PLA2R1: variants seen among roughly 807,000 people sequenced by gnomAD.
The protein encoded by PLA2R1 is phospholipase A2 receptor 1.
In PLA2R1, 158 loss-of-function variants were observed where a neutral mutation model predicts 195.9. The ratio of observed to expected loss-of-function variants is 0.81; its 90% CI spans 0.71 to 0.92. The LOEUF (loss-of-function observed/expected upper bound fraction) is 0.92, where lower values mean the gene tolerates loss of function less well. PLA2R1 is among the 40% of genes least tolerant of loss of function. The pLI is 0.00. For synonymous variants in PLA2R1, 586 were observed against 598.2 expected (o/e 0.98, Z 0.30); for missense variants, 1,626 against 1,764.6 (o/e 0.92, Z 1.41).
chr2:159,961,016 G>T (rs113670300), intron 20 of PLA2R1, among the ~76,000 whole-genome samples: 1 of 152,088 alleles, frequency 6.6e-6, no homozygotes, highest in Non-Finnish European at 1.5e-5. Flanking sequence ...CCATCCCACC[G>T]CTCTCAGCTA....
At chr2:160,052,177 T>TCATGAGGCACACAATAGTCTTTCTCA (rs1559019308) in intron 1 of PLA2R1, among the ~76,000 whole-genome samples, 1 of 152,208 alleles carries the variant, frequency 6.6e-6, no homozygotes, top group Non-Finnish European at 1.5e-5. Flanking sequence ...TCTCCAAGTT[T>TCATGAGGCACACAATAGTCTTTCTCA]CATGAGGCAC....
intron 3 of PLA2R1, among the ~76,000 whole-genome samples, chr2:160,040,781 C>A (rs1694475056): frequency 2.0e-5 from 3 of 152,214 alleles, no homozygotes; most frequent in Admixed American, 1.3e-4. Flanking sequence ...GAGGAGAAAT[C>A]ATGGATTCAG....
At position 159,972,318 on chromosome 2, in the gene PLA2R1, A is replaced by G. The variant is rs117558349; in HGVS notation, c.2596-2106T>C. ...GAAATTTTAGCTTAAGAAGGCCACA[A>G]CAATAGAAGACTTATTAACATGTGT... On this transcript the variant is annotated intron_variant, in intron 17 of 29. Transcript: ENST00000283243. Among the ~76,000 whole-genome samples, 6 of 152,346 alleles carry G rather than the reference A, an allele frequency of 3.9e-5. No individual in the cohort carries two copies. The East Asian group carries it at 9.6e-4, about 24-fold the overall frequency.
At position 159,945,067 on chromosome 2, in the gene PLA2R1, C is replaced by A. The variant is rs1247663309; in HGVS notation, c.3983G>T (p.Trp1328Leu). Residue 1328 changes from tryptophan (W) to leucine (L), a missense_variant, in exon 28 of 30, where the codon TGG becomes TTG. By Grantham distance (61) the Trp-to-Leu change is moderately conservative. Transcript: ENST00000283243. ...QFDGNNETIK[W>L]FDGTPTDQSN... ...CTGGTCTGTGGGAGTTCCATCAAAC[C>A]ACTTTATGGTTTCATCTGTGAGAAA... 1.9e-6 allele frequency: 3 copies of A among 1,610,554 alleles called. No individual in the cohort carries two copies. Among genetic ancestry groups the A allele is most frequent in the South Asian group, 2.2e-5 (2 of 90,532 alleles).
Position 159,941,173 on chromosome 2 carries a change from T to C in PLA2R1, c.*605A>G, listed in dbSNP as rs1687068158. The C allele has an allele frequency of 6.6e-6, 1 of 152,246 alleles. No individual in the cohort carries two copies. The highest frequency in any genetic ancestry group is 2.1e-4 in the South Asian group (1 of 4,834). 9.4% of individuals were successfully genotyped at this position (152,246 alleles called of 1,614,324 possible). On this transcript the variant is annotated 3_prime_UTR_variant, in exon 30 of 30. Coordinates refer to ENST00000283243, the MANE Select transcript of PLA2R1 (RefSeq NM_007366.5). Reference sequence around the variant, plus strand: ...AAGGTATTTTTCTTTCTCCTTTAGCTTGAGATGTTAGACCTAATAAAAATG... The same window carrying C: ...AAGGTATTTTTCTTTCTCCTTTAGCCTGAGATGTTAGACCTAATAAAAATG...
chr2:160,022,883 T>C (rs1693236601), intron 6 of PLA2R1, 24 bp from the exon 7 acceptor site: 1 of 1,491,784 alleles, frequency 6.7e-7, no homozygotes, highest in Non-Finnish European at 9.2e-7. Flanking sequence ...CAAAAAACAA[T>C]GTCATTTTCC....
At chr2:160,023,431 C>T (rs1693276845) in intron 6 of PLA2R1, among the ~76,000 whole-genome samples, 1 of 152,198 alleles carries the variant, frequency 6.6e-6, no homozygotes, top group Non-Finnish European at 1.5e-5. Context: ...AAAAGACACT[C>T]CCACCAGTGC....
In PLA2R1 at chr2:160,044,758, TTTAAA is replaced by T; in HGVS notation, c.493+11_493+15del. 6.3e-7 allele frequency: 1 copy of T among 1,596,502 alleles called. No individual in the cohort carries two copies. The highest frequency in any genetic ancestry group is 8.6e-7 in the Non-Finnish European group (1 of 1,166,870). ...AAAAACACCATTCCCTGAGTGCTTC[TTTAAA>T]TTATTTTTACCTTTGTGTAGATATT... On this transcript the variant is annotated intron_variant, in intron 2 of 29. Coordinates refer to ENST00000283243, the MANE Select transcript of PLA2R1 (RefSeq NM_007366.5).
chr2:159,924,231 T>C, the PLA2R1 span, among the ~76,000 whole-genome samples: 2 of 152,196 alleles, frequency 1.3e-5, no homozygotes, highest in African/African-American at 4.8e-5. Flanking sequence ...TAAGGATACA[T>C]GTGATTGCAT....
At chr2:160,054,166 T>C (rs1356182415) in intron 1 of PLA2R1, among the ~76,000 whole-genome samples, 25 of 152,178 alleles carry the variant, frequency 1.6e-4, no homozygotes. Context: ...GCTGGGTGTG[T>C]AGTTCACACC....
In PLA2R1 at chr2:160,062,444, G is replaced by A; in HGVS notation, c.-41C>T. 1 of 1,512,024 alleles carries A rather than the reference G, an allele frequency of 6.6e-7. No homozygotes were observed. Among genetic ancestry groups the A allele is most frequent in the South Asian group, 1.2e-5 (1 of 81,052 alleles). The allele number at this position is 1,512,024 out of a possible 1,614,324, so 93.7% of individuals were successfully genotyped here. ...TCTCCGGGAGCCCCTTGTCCCGGGA[G>A]CCCCTTATCCCGGGAGCCCAGAGCC... On this transcript the variant is annotated 5_prime_UTR_variant, in exon 1 of 30. Transcript: ENST00000283243.
chr2:160,006,485 GAATGAATTACTGTTC>G (rs1302825026), intron 10 of PLA2R1, among the ~76,000 whole-genome samples: 1 of 152,190 alleles, frequency 6.6e-6, no homozygotes, highest in Non-Finnish European at 1.5e-5. Flanking sequence ...CCAAACAGCT[GAATGAATTACTGTTC>G]AATGATTGGT....
intron 9 of PLA2R1, 86 bp from the exon 10 acceptor site, chr2:160,013,461 A>G: frequency 1.5e-6 from 1 of 687,392 alleles, no homozygotes; most frequent in Non-Finnish European, 2.5e-6. Context: ...TTTACCACCT[A>G]CATAACTTTC....
At position 159,987,403 on chromosome 2, in the gene PLA2R1, G is replaced by A. The variant is rs754874098; in HGVS notation, c.1835-45C>T. 2.0e-5 allele frequency: 28 copies of A among 1,396,736 alleles called. No homozygotes were observed. In the African/African-American group the frequency reaches 2.3e-4, roughly 11 times the overall value. 86.5% of individuals were successfully genotyped at this position (1,396,736 alleles called of 1,614,324 possible). On this transcript the variant is annotated intron_variant, in intron 11 of 29. Coordinates refer to ENST00000283243, the MANE Select transcript of PLA2R1 (RefSeq NM_007366.5). ...ATTTTTAATACCAGACGACTAAAAC[G>A]TTTTGTGCTCAGAAGACTGCTCTTT...
chr2:159,959,436 C>T (rs975199829), intron 20 of PLA2R1, among the ~76,000 whole-genome samples: 2 of 152,060 alleles, frequency 1.3e-5, no homozygotes, highest in Non-Finnish European at 2.9e-5. Context: ...TAACACACTC[C>T]GAAATTGTGT....
rs771483781 is a variant in PLA2R1 at position 160,042,124 on chromosome 2, G to GGGTAC, written c.567_568insGTACC (p.His190ValfsTer40). 6.2e-6 allele frequency: 10 copies of GGGTAC among 1,614,004 alleles called. No homozygotes were observed. Among genetic ancestry groups the GGGTAC allele is most frequent in the Non-Finnish European group, 8.5e-6 (10 of 1,179,802 alleles). ...TCCCGACCTTCACGGGTACATTCAT[G>GGGTAC]ATGCCACTGATGGTTATACTGGAAG... On this transcript the variant is annotated frameshift_variant, in exon 3 of 30. Coordinates refer to ENST00000283243, the MANE Select transcript of PLA2R1 (RefSeq NM_007366.5). LOFTEE classifies it high-confidence loss of function.
At chr2:159,978,762 A>G (rs1689746122) in intron 14 of PLA2R1, among the ~76,000 whole-genome samples, 1 of 152,076 alleles carries the variant, frequency 6.6e-6, no homozygotes, top group African/African-American at 2.4e-5. Context: ...GGGCTGAATG[A>G]CCTTTAAAAT....
downstream of PLA2R1, among the ~76,000 whole-genome samples, chr2:159,928,210 T>C (rs1055756223): frequency 6.6e-6 from 1 of 152,198 alleles, no homozygotes; most frequent in Non-Finnish European, 1.5e-5. Flanking sequence ...TGCCAATATA[T>C]GACTGTTCTG....
Position 160,022,875 on chromosome 2 carries a change from A to G in PLA2R1, c.1100-16T>C, listed in dbSNP as rs761366766. 2 of 1,529,724 alleles carry G rather than the reference A, an allele frequency of 1.3e-6. No individual in the cohort carries two copies. Among genetic ancestry groups the G allele is most frequent in the Non-Finnish European group, 1.8e-6 (2 of 1,123,940 alleles). The allele number at this position is 1,529,724 out of a possible 1,614,324, so 94.8% of individuals were successfully genotyped here. A position where few individuals can be genotyped will look rare whatever the true frequency, so the allele number is the denominator to read the frequency against. The stretch of plus-strand genomic sequence containing the variant: ...GCATCTTTTTCTTTTTAAACCAACA[A>G]AAAACAATGTCATTTTCCACAATTA... On this transcript the variant is annotated splice_polypyrimidine_tract_variant and intron_variant, in intron 6 of 29. Coordinates refer to ENST00000283243, the MANE Select transcript of PLA2R1 (RefSeq NM_007366.5).
Sources: allele counts gnomAD v4.1 joint callset (sites outside exome capture counted in the v4.1 genomes callset), GRCh38; gene constraint gnomAD v4.1.1; transcripts MANE v1.5; gene names NCBI Gene and HGNC (gene_info 2026-07-23, HGNC 2026-07-21).